The following LARGE1 variants were observed in gnomAD, a reference collection of about 807,000 sequenced individuals.
LARGE1 encodes the protein LARGE xylosyl- and glucuronyltransferase 1, also known as xylosyl- and glucuronyltransferase LARGE1.
LARGE1 carries 43 observed loss-of-function variants against 87.6 expected under a neutral mutation model. The ratio of observed to expected loss-of-function variants is 0.49; its 90% CI spans 0.38 to 0.63. The LOEUF (loss-of-function observed/expected upper bound fraction) is 0.63. Ranked by LOEUF, LARGE1 falls within the 30% of genes least tolerant of loss-of-function variation. The pLI, the probability that LARGE1 is intolerant of heterozygous loss-of-function variation, is 0.00. For synonymous variants in LARGE1, 434 were observed against 394.6 expected (o/e 1.10, Z -1.18); for missense variants, 802 against 1,000.2 (o/e 0.80, Z 2.67).
intron 14 of LARGE1, among the ~76,000 whole-genome samples, chr22:33,275,572 C>A: frequency 6.6e-6 from 1 of 152,268 alleles, no homozygotes; most frequent in African/African-American, 2.4e-5. Context: ...CTGTCTGGGA[C>A]ATTTAATGGA....
At chr22:33,151,026 A>G in the LARGE1 span, among the ~76,000 whole-genome samples, 1 of 152,132 alleles carries the variant, frequency 6.6e-6, no homozygotes, top group Non-Finnish European at 1.5e-5. Flanking sequence ...TTAAACCTGT[A>G]GATATTTCAG....
At chr22:33,577,813 C>T (rs911929012) in intron 5 of LARGE1, among the ~76,000 whole-genome samples, 16 of 152,168 alleles carry the variant, frequency 1.1e-4, no homozygotes, top group African/African-American at 3.9e-4. Context: ...CCAGAGTTGT[C>T]CCTTTATTAA....
At chr22:33,308,930 T>A (rs117900090) in intron 11 of LARGE1, among the ~76,000 whole-genome samples, 2 of 152,202 alleles carry the variant, frequency 1.3e-5, no homozygotes, top group Non-Finnish European at 2.9e-5. Context: ...CAGCAGGTAC[T>A]CAGTATATGA....
At chr22:33,533,376 G>C (rs1007542626) in intron 6 of LARGE1, among the ~76,000 whole-genome samples, 1 of 152,066 alleles carries the variant, frequency 6.6e-6, no homozygotes, top group Non-Finnish European at 1.5e-5. Flanking sequence ...GGTTCCATTC[G>C]AGCACCTTCC....
Position 33,379,791 on chromosome 22 carries a change from T to C in LARGE1, c.1131+2128A>G, listed in dbSNP as rs538603889. ...ACCCTCTGATCACTTGGTCTTTCCA[T>C]CCTGAGGCTCTCTAGGGGCCCTACT... On this transcript the variant is annotated intron_variant, in intron 9 of 14. Transcript: ENST00000397394. Among the ~76,000 whole-genome samples the C allele has an allele frequency of 9.9e-5, 15 of 152,242 alleles. No homozygotes were observed. The South Asian group carries it at 2.3e-3, about 23-fold the overall frequency.
intron 6 of LARGE1, among the ~76,000 whole-genome samples, chr22:33,480,516 C>G (rs1168849083): frequency 2.0e-5 from 3 of 152,122 alleles, no homozygotes; most frequent in Non-Finnish European, 4.4e-5. Context: ...CAGAAAGCAG[C>G]CTTCTTCCAG....
At chr22:33,598,125 C>G (rs1015580997) in intron 5 of LARGE1, among the ~76,000 whole-genome samples, 1 of 152,170 alleles carries the variant, frequency 6.6e-6, no homozygotes, top group Non-Finnish European at 1.5e-5. Flanking sequence ...ATGACAGTAA[C>G]TTAGCTGAAA....
chr22:33,360,565 A>AACAAC (rs1235069132), intron 9 of LARGE1, among the ~76,000 whole-genome samples: 3 of 149,244 alleles, frequency 2.0e-5, no homozygotes, highest in Non-Finnish European at 4.5e-5. Flanking sequence ...CTATCATAAG[A>AACAAC]ACAACACGAT....
At chr22:33,535,425 C>A (rs2077013668) in intron 6 of LARGE1, among the ~76,000 whole-genome samples, 1 of 152,120 alleles carries the variant, frequency 6.6e-6, no homozygotes, top group Non-Finnish European at 1.5e-5. Flanking sequence ...CGCCTGTAAT[C>A]CCAGCTACTT....
chr22:33,128,736 A>G, the LARGE1 span, among the ~76,000 whole-genome samples: 1 of 151,000 alleles, frequency 6.6e-6, no homozygotes. Flanking sequence ...AAAGTGCGGT[A>G]CATATACACC....
In LARGE1 at chr22:33,212,879, G is replaced by C. The variant is rs565403737; in HGVS notation, c.1731-46047C>G. Among the ~76,000 whole-genome samples the C allele has an allele frequency of 3.4e-4, 51 of 152,194 alleles. 1 individual carries two copies. In the South Asian group the frequency reaches 9.6e-3, roughly 29 times the overall value. On this transcript the variant is annotated intron_variant, in intron 11 of 11. Transcript: ENST00000608642. ...AAAAATACAAAAAAATTAGCTGGGC[G>C]TGGTGGTGGGCACCTGTAATCTCAG...
chr22:33,878,125 A>ATTTTTTT (rs1601836110), intron 1 of LARGE1, among the ~76,000 whole-genome samples: 11 of 51,242 alleles, frequency 2.1e-4, no homozygotes, highest in East Asian at 7.3e-4. Flanking sequence ...TTTATATTGT[A>ATTTTTTT]TTTCTTTTTT....
rs1240930131 is a variant in LARGE1 at position 33,385,681 on chromosome 22, G to A, written c.893-1377C>T. Among the ~76,000 whole-genome samples the A allele has an allele frequency of 1.4e-5, 2 of 147,974 alleles. 1 individual carries two copies. Among genetic ancestry groups the A allele is most frequent in the South Asian group, 4.8e-4 (2 of 4,140 alleles). On this transcript the variant is annotated intron_variant, in intron 7 of 14. Coordinates refer to ENST00000397394, the MANE Select transcript of LARGE1 (RefSeq NM_133642.5). ...ACTATCTACCATCAGGTCAGTTAGA[G>A]CAAGCAGAAAAAGCCCTGAGCACGG...
chr22:33,104,955 C>G, the LARGE1 span, among the ~76,000 whole-genome samples: 12 of 133,938 alleles, frequency 9.0e-5, 1 homozygote, highest in South Asian at 1.5e-3. Flanking sequence ...TTCTCTTTCT[C>G]TCTTTCTCTC....
At chr22:33,612,566 G>C (rs1300791704) in intron 4 of LARGE1, among the ~76,000 whole-genome samples, 2 of 152,210 alleles carry the variant, frequency 1.3e-5, no homozygotes, top group African/African-American at 4.8e-5. Flanking sequence ...AAGGAACAAA[G>C]GTGGTAAAGT....
chr22:33,761,349 T>C (rs1407315177), intron 2 of LARGE1, 22 bp downstream of exon 2: 1 of 1,571,090 alleles, frequency 6.4e-7, no homozygotes, highest in African/African-American at 1.4e-5. Flanking sequence ...TCCTTCCCTC[T>C]CACTTTGGCT....
the LARGE1 span, among the ~76,000 whole-genome samples, chr22:33,151,438 T>G: frequency 1.3e-5 from 2 of 152,212 alleles, no homozygotes; most frequent in African/African-American, 2.4e-5. Flanking sequence ...GGATGTCTTG[T>G]ATTTCTTTTA....
rs34445472 is a variant in LARGE1 at position 33,451,563 on chromosome 22, CT to C, written c.788-19299del. Among the ~76,000 whole-genome samples the C allele has an allele frequency of 1.5e-3, 216 of 139,806 alleles. 1 individual carries two copies. The highest frequency in any genetic ancestry group is 9.8e-3 in the South Asian group (42 of 4,306). 91.7% of individuals were successfully genotyped at this position (139,806 alleles called of 152,430 possible). On this transcript the variant is annotated intron_variant, in intron 6 of 14. Transcript: ENST00000397394. ...ATCCACTCTATGGGAGTATCTCATT[CT>C]TTTTTTTTTTTTTGAGACCAAGTCT...
At chr22:33,449,173 G>C (rs1168110413) in intron 6 of LARGE1, among the ~76,000 whole-genome samples, 1 of 152,062 alleles carries the variant, frequency 6.6e-6, no homozygotes, top group African/African-American at 2.4e-5. Flanking sequence ...CGTAAGTTAA[G>C]CCTGAGATCC....
Sources: allele counts gnomAD v4.1 joint callset (sites outside exome capture counted in the v4.1 genomes callset), GRCh38; gene constraint gnomAD v4.1.1; transcripts MANE v1.5; gene names NCBI Gene and HGNC (gene_info 2026-07-23, HGNC 2026-07-21).